SLC39A11: variants seen among roughly 807,000 people sequenced by gnomAD.
SLC39A11 encodes solute carrier family 39 member 11.
In SLC39A11, 33 loss-of-function variants were observed where a neutral mutation model predicts 36.1. The observed-to-expected ratio is 0.91, with a 90% confidence interval of 0.69 to 1.22. SLC39A11 has a LOEUF of 1.22. Ranked by LOEUF, SLC39A11 falls within the 50% of genes most tolerant of loss-of-function variation. The pLI is 0.00. For missense variants in SLC39A11, 432 were observed against 430.3 expected (o/e 1.00, Z -0.03); for synonymous variants, 166 against 170.3 (o/e 0.97, Z 0.20).
chr17:72,853,206 TCAG>T (rs1567826319), intron 5 of SLC39A11, among the ~76,000 whole-genome samples: 6 of 144,068 alleles, frequency 4.2e-5, no homozygotes, highest in Non-Finnish European at 4.6e-5. Context: ...TTTTTTTTTT[TCAG>T]TAGAGACAGG....
At chr17:73,007,492 T>C (rs2090251445) in intron 4 of SLC39A11, among the ~76,000 whole-genome samples, 1 of 152,102 alleles carries the variant, frequency 6.6e-6, no homozygotes, top group African/African-American at 2.4e-5. Flanking sequence ...CTAATGACAA[T>C]GGCCAAAACC....
intron 3 of SLC39A11, among the ~76,000 whole-genome samples, chr17:73,046,498 G>A (rs750784780): frequency 6.6e-6 from 1 of 152,052 alleles, no homozygotes; most frequent in Admixed American, 6.6e-5. Flanking sequence ...TAAAAATACA[G>A]GATGAACAGT....
intron 7 of SLC39A11, among the ~76,000 whole-genome samples, chr17:72,701,941 A>G (rs1598391187): frequency 6.6e-6 from 1 of 152,306 alleles, no homozygotes; most frequent in East Asian, 1.9e-4. Flanking sequence ...CCCCATCTCT[A>G]TAGAATGTTT....
At chr17:73,047,990 A>AAAAAAAAAAAACATAT (rs1555693446) in intron 3 of SLC39A11, among the ~76,000 whole-genome samples, 1 of 58,678 alleles carries the variant, frequency 1.7e-5, no homozygotes. Flanking sequence ...AAAAAAAAAA[A>AAAAAAAAAAAACATAT]ATATATATAT....
chr17:72,651,716 C>T (rs547880684), intron 7 of SLC39A11, among the ~76,000 whole-genome samples: 10 of 152,190 alleles, frequency 6.6e-5, no homozygotes, highest in East Asian at 3.9e-4. Flanking sequence ...TGATAGCATC[C>T]GAAAACTGAT....
chr17:72,949,308 T>C (rs995294744), intron 4 of SLC39A11, among the ~76,000 whole-genome samples: 3 of 151,486 alleles, frequency 2.0e-5, no homozygotes, highest in Non-Finnish European at 4.4e-5. Context: ...TCACAGGCAC[T>C]CACCACCACG....
chr17:72,710,848 AT>A (rs1396947090), intron 7 of SLC39A11, among the ~76,000 whole-genome samples: 1 of 152,092 alleles, frequency 6.6e-6, no homozygotes, highest in Non-Finnish European at 1.5e-5. Flanking sequence ...TGCTGTCTTT[AT>A]TTTTAGCATT....
chr17:72,801,993 A>G (rs1053941655), intron 6 of SLC39A11, among the ~76,000 whole-genome samples: 1 of 152,224 alleles, frequency 6.6e-6, no homozygotes, highest in Non-Finnish European at 1.5e-5. Flanking sequence ...TCAAACGAGA[A>G]TAACAGTTCC....
rs1371754043 is a variant in SLC39A11 at position 72,807,319 on chromosome 17, T to C, written c.601+42315A>G. Among the ~76,000 whole-genome samples, 4 of 152,262 alleles carry C rather than the reference T, an allele frequency of 2.6e-5. No individual in the cohort carries two copies. In the South Asian group the frequency reaches 8.3e-4, roughly 31 times the overall value. On this transcript the variant is annotated intron_variant, in intron 6 of 9. Coordinates refer to ENST00000255559, the MANE Select transcript of SLC39A11 (RefSeq NM_139177.4). ...TTAGAGCTATCCAGTTGTGGTATAA[T>C]ACAAAACATATTTTGTCTTTGTGTC...
At chr17:72,947,662 T>C in intron 5 of SLC39A11, 90 bp downstream of exon 5, 1 of 1,583,232 alleles carries the variant, frequency 6.3e-7, no homozygotes, top group Non-Finnish European at 8.6e-7. Flanking sequence ...TCTCTCACTA[T>C]TCATCCTACC....
intron 4 of SLC39A11, among the ~76,000 whole-genome samples, chr17:72,979,506 G>A (rs952828363): frequency 1.3e-5 from 2 of 152,128 alleles, no homozygotes; most frequent in African/African-American, 4.8e-5. Context: ...GATGAGGGAC[G>A]GATAGAGACA....
In SLC39A11 at chr17:73,017,775, T is replaced by G. The variant is rs1226480212; in HGVS notation, c.306+13781A>C. The stretch of plus-strand genomic sequence containing the variant: ...TCAGGACTGCTGACACAGCTGTAAT[T>G]TGCAGAGTAGGATACCACAGAGGAG... On this transcript the variant is annotated intron_variant, in intron 4 of 9. Transcript: ENST00000255559. Among the ~76,000 whole-genome samples, 3 of 152,068 alleles carry G rather than the reference T, an allele frequency of 2.0e-5. No homozygotes were observed. The East Asian group carries it at 5.8e-4, about 29-fold the overall frequency.
chr17:72,753,688 C>T (rs193057337), intron 6 of SLC39A11, among the ~76,000 whole-genome samples: 115 of 151,930 alleles, frequency 7.6e-4, no homozygotes, highest in African/African-American at 2.6e-3. Context: ...ACCTTCAGAG[C>T]ACATTCAGGG....
chr17:72,761,362 C>T (rs2344568), intron 6 of SLC39A11, among the ~76,000 whole-genome samples: 90 of 151,832 alleles, frequency 5.9e-4, no homozygotes, highest in Non-Finnish European at 1.0e-3. Flanking sequence ...TGATCCGCCC[C>T]CCTCGGCCTC....
intron 5 of SLC39A11, among the ~76,000 whole-genome samples, chr17:72,928,326 G>GT (rs2084177319): frequency 6.6e-6 from 1 of 152,256 alleles, no homozygotes; most frequent in Non-Finnish European, 1.5e-5. Context: ...AAAAGAACAC[G>GT]TAAGTTCTGT....
At chr17:72,703,738 T>C (rs190477643) in intron 7 of SLC39A11, among the ~76,000 whole-genome samples, 2 of 152,334 alleles carry the variant, frequency 1.3e-5, no homozygotes, top group African/African-American at 4.8e-5. Flanking sequence ...ATAGGAGATG[T>C]TTAGCTATCT....
chr17:73,062,097 A>G (rs1176546055), intron 3 of SLC39A11, among the ~76,000 whole-genome samples: 4 of 152,140 alleles, frequency 2.6e-5, no homozygotes, highest in African/African-American at 9.7e-5. Context: ...CTGTTCTAGA[A>G]TTACTAGGAT....
At chr17:72,991,481 T>C (rs1242417388) in intron 4 of SLC39A11, among the ~76,000 whole-genome samples, 2 of 151,958 alleles carry the variant, frequency 1.3e-5, no homozygotes, top group Non-Finnish European at 2.9e-5. Context: ...CCTCAGCCTC[T>C]CAAATAGCTG....
intron 6 of SLC39A11, among the ~76,000 whole-genome samples, chr17:72,758,556 C>A (rs1439781543): frequency 6.6e-6 from 1 of 152,194 alleles, no homozygotes; most frequent in Non-Finnish European, 1.5e-5. Flanking sequence ...GTCTTTCCTT[C>A]CCTAATATAG....
Sources: gnomAD v4.1 joint callset for allele counts (sites outside exome capture counted in the v4.1 genomes callset) on GRCh38, gnomAD v4.1.1 for gene constraint, MANE v1.5 for transcripts, NCBI Gene and HGNC (gene_info 2026-07-23, HGNC 2026-07-21) for gene names.